The following NYAP2 variants were observed in gnomAD, a reference collection of about 807,000 sequenced individuals.
NYAP2 encodes the protein neuronal tyrosine-phosphorylated phosphoinositide-3-kinase adapter 2.
In NYAP2, 23 loss-of-function variants were observed where a neutral mutation model predicts 50.4. That is an observed-to-expected ratio of 0.46 (90% CI 0.33 to 0.65). NYAP2 has a LOEUF of 0.65. Ranked by LOEUF, NYAP2 falls within the 30% of genes least tolerant of loss-of-function variation. The probability of loss-of-function intolerance (pLI) is 0.02; values close to 1 mark genes in which losing one functional copy is unlikely to be tolerated. For missense variants in NYAP2, 885 were observed against 861.0 expected, an observed-to-expected ratio of 1.03 and a Z score of -0.35; for synonymous variants, 394 against 365.2, an observed-to-expected ratio of 1.08 and a Z score of -0.90.
chr2:225,682,204 A>G, the NYAP2 span, among the ~76,000 whole-genome samples: 2 of 152,176 alleles, frequency 1.3e-5, no homozygotes, highest in Admixed American at 6.6e-5. Context: ...TCCAAGAAAA[A>G]TAAGAATTGT....
At chr2:225,495,938 A>T (rs1690497212) in intron 3 of NYAP2, among the ~76,000 whole-genome samples, 1 of 152,166 alleles carries the variant, frequency 6.6e-6, no homozygotes, top group African/African-American at 2.4e-5. Context: ...TGTGAGTCTG[A>T]ATTAACTGAT....
chr2:225,662,313 T>G, the NYAP2 span, among the ~76,000 whole-genome samples: 3 of 152,354 alleles, frequency 2.0e-5, no homozygotes, highest in South Asian at 2.1e-4. Context: ...CCTGCAGCTG[T>G]GCATGTGCAC....
intron 3 of NYAP2, among the ~76,000 whole-genome samples, chr2:225,422,272 T>C (rs1198137090): frequency 6.6e-6 from 1 of 152,182 alleles, no homozygotes; most frequent in East Asian, 1.9e-4. Context: ...CAAATCATAC[T>C]GAATCTCATT....
At chr2:225,516,117 A>G (rs931984908) in intron 4 of NYAP2, among the ~76,000 whole-genome samples, 8 of 152,148 alleles carry the variant, frequency 5.3e-5, no homozygotes, top group African/African-American at 1.9e-4. Context: ...GTCCCACAGA[A>G]GAAAAATTTG....
At chr2:225,568,588 A>G (rs1394176054) in intron 4 of NYAP2, among the ~76,000 whole-genome samples, 1 of 152,230 alleles carries the variant, frequency 6.6e-6, no homozygotes, top group African/African-American at 2.4e-5. Context: ...TTTACCAAGA[A>G]TCTGTGATAT....
exon 1 of NYAP2, chr2:225,400,192 C>A (rs1694837435): frequency 6.6e-6 from 1 of 152,074 alleles, no homozygotes; most frequent in Non-Finnish European, 1.5e-5. Flanking sequence ...ACGCTGGCAG[C>A]CTTGCCGTTC....
chr2:225,608,784 C>T (rs1692831973), intron 5 of NYAP2, among the ~76,000 whole-genome samples: 1 of 152,096 alleles, frequency 6.6e-6, no homozygotes. Context: ...TTGCCTTATT[C>T]TTAGTTCTGA....
intron 5 of NYAP2, among the ~76,000 whole-genome samples, chr2:225,624,919 C>T (rs1436267285): frequency 6.6e-6 from 1 of 151,718 alleles, no homozygotes; most frequent in Non-Finnish European, 1.5e-5. Context: ...GATTCCTGAC[C>T]CGGACTGCTC....
intron 3 of NYAP2, among the ~76,000 whole-genome samples, chr2:225,468,391 G>A (rs1375982067): frequency 6.6e-6 from 1 of 152,154 alleles, no homozygotes; most frequent in Non-Finnish European, 1.5e-5. Context: ...GTTATTTTAA[G>A]CCATCCAGCA....
At chr2:225,656,239 T>C (rs1299864340), downstream of NYAP2, among the ~76,000 whole-genome samples, 1 of 152,154 alleles carries the variant, frequency 6.6e-6, no homozygotes, top group Non-Finnish European at 1.5e-5. Flanking sequence ...CATAGTGCTT[T>C]GCCTCTGAAG....
At chr2:225,556,473 G>A (rs994155652) in intron 4 of NYAP2, among the ~76,000 whole-genome samples, 1 of 152,162 alleles carries the variant, frequency 6.6e-6, no homozygotes, top group African/African-American at 2.4e-5. Context: ...CACTCCCCCA[G>A]GTGATAATTT....
chr2:225,409,232 A>T, intron 3 of NYAP2, 131 bp downstream of exon 3: 1 of 633,890 alleles, frequency 1.6e-6, no homozygotes, highest in Non-Finnish European at 2.7e-6. Flanking sequence ...GAGCATATGA[A>T]AGCGACCCCT....
intron 4 of NYAP2, among the ~76,000 whole-genome samples, chr2:225,520,065 G>A (rs1428051130): frequency 6.6e-6 from 1 of 152,204 alleles, no homozygotes; most frequent in African/African-American, 2.4e-5. Context: ...TTACATAAAT[G>A]TCTTCTTTTG....
At position 225,425,803 on chromosome 2, in the gene NYAP2, A is replaced by T. The variant is rs957000860; in HGVS notation, c.221+16702A>T. On this transcript the variant is annotated intron_variant, in intron 3 of 6. Transcript: ENST00000636099. ...TAGATTTTAGCAGGCACATTAATGAAGAGTTTTTCAAGGGAAACTCCTTTG... is the reference window on the plus strand; with the variant it reads ...TAGATTTTAGCAGGCACATTAATGATGAGTTTTTCAAGGGAAACTCCTTTG... Among the ~76,000 whole-genome samples the T allele has an allele frequency of 1.9e-4, 29 of 152,344 alleles. No individual in the cohort carries two copies. In the South Asian group the frequency reaches 5.2e-3, roughly 27 times the overall value.
At chr2:225,423,130 A>G (rs368378252) in intron 3 of NYAP2, among the ~76,000 whole-genome samples, 14 of 152,108 alleles carry the variant, frequency 9.2e-5, no homozygotes, top group African/African-American at 3.4e-4. Context: ...GATGGTGCAT[A>G]TAAGAGAGCA....
At chr2:225,583,934 C>T (rs758655423) in intron 5 of NYAP2, among the ~76,000 whole-genome samples, 2 of 151,914 alleles carry the variant, frequency 1.3e-5, no homozygotes, top group African/African-American at 2.4e-5. Context: ...CCCAGCTACG[C>T]GGGAGGCTGA....
chr2:225,431,339 G>A (rs986882400), intron 3 of NYAP2, among the ~76,000 whole-genome samples: 4 of 152,022 alleles, frequency 2.6e-5, no homozygotes, highest in East Asian at 1.9e-4. Context: ...CAGACTTTCC[G>A]TTTACATATT....
At chr2:225,509,565 C>A (rs1032606747) in intron 3 of NYAP2, among the ~76,000 whole-genome samples, 2 of 152,144 alleles carry the variant, frequency 1.3e-5, no homozygotes, top group Admixed American at 6.5e-5. Context: ...GTGCACACCA[C>A]CATGATCAGC....
chr2:225,571,686 C>T (rs1442410981), intron 4 of NYAP2, among the ~76,000 whole-genome samples: 1 of 152,200 alleles, frequency 6.6e-6, no homozygotes, highest in Non-Finnish European at 1.5e-5. Flanking sequence ...CCTCCTAGGC[C>T]TCTGGGCCTG....
Sources: gnomAD v4.1 joint callset for allele counts (sites outside exome capture counted in the v4.1 genomes callset) on GRCh38, gnomAD v4.1.1 for gene constraint, MANE v1.5 for transcripts, NCBI Gene and HGNC (gene_info 2026-07-23, HGNC 2026-07-21) for gene names.